The following RANBP17 variants were observed in gnomAD, a reference collection of about 807,000 sequenced individuals.
RANBP17 encodes the protein ran-binding protein 17.
RANBP17 carries 158 observed loss-of-function variants against 141.2 expected under a neutral mutation model. That is an observed-to-expected ratio of 1.12 (90% confidence interval 0.98 to 1.28). The LOEUF is 1.28. Ranked by LOEUF, RANBP17 falls within the 50% of genes most tolerant of loss-of-function variation. RANBP17 has a pLI of 0.00. For synonymous variants in RANBP17, 430 were observed against 450.0 expected (o/e 0.96, Z 0.56); for missense variants, 1,438 against 1,290.7 (o/e 1.11, Z -1.75).
At chr5:171,235,314 G>C (rs1458168292) in intron 22 of RANBP17, among the ~76,000 whole-genome samples, 1 of 148,882 alleles carries the variant, frequency 6.7e-6, no homozygotes. Flanking sequence ...AGAAGTTTTT[G>C]CATGTGTCTT....
At chr5:171,033,104 T>C (rs368870176) in intron 14 of RANBP17, among the ~76,000 whole-genome samples, 6 of 147,446 alleles carry the variant, frequency 4.1e-5, no homozygotes, top group South Asian at 2.3e-4. Flanking sequence ...TGATGCACTT[T>C]GAATGCTTAG....
intron 14 of RANBP17, among the ~76,000 whole-genome samples, chr5:171,035,208 TA>T: frequency 6.6e-6 from 1 of 152,144 alleles, no homozygotes; most frequent in African/African-American, 2.4e-5. Flanking sequence ...TTATCTATGG[TA>T]AAAAAATATC....
intron 25 of RANBP17, among the ~76,000 whole-genome samples, chr5:171,276,938 A>AAC (rs2128032336): frequency 1.3e-5 from 2 of 151,304 alleles, no homozygotes; most frequent in African/African-American, 4.8e-5. Flanking sequence ...AAAAAAAAAA[A>AAC]AAAAAACCTC....
chr5:170,988,708 T>C (rs2127561389), intron 14 of RANBP17, among the ~76,000 whole-genome samples: 1 of 151,966 alleles, frequency 6.6e-6, no homozygotes, highest in South Asian at 2.1e-4. Context: ...GTTCATTATA[T>C]ATGTATTATA....
chr5:171,262,318 GT>G (rs1459447030), intron 24 of RANBP17, among the ~76,000 whole-genome samples: 1 of 152,152 alleles, frequency 6.6e-6, no homozygotes, highest in Non-Finnish European at 1.5e-5. Flanking sequence ...CAACAAGTCT[GT>G]ATTTGACTTT....
chr5:171,189,785 C>T (rs1176498978), intron 18 of RANBP17, among the ~76,000 whole-genome samples: 2 of 152,104 alleles, frequency 1.3e-5, no homozygotes, highest in African/African-American at 4.8e-5. Context: ...TATTTGAAGC[C>T]TTGTCTCACA....
intron 14 of RANBP17, among the ~76,000 whole-genome samples, chr5:171,047,442 G>GTTTTTT (rs60072803): frequency 8.5e-5 from 11 of 129,440 alleles, no homozygotes; most frequent in South Asian, 2.3e-4. Flanking sequence ...TTTTTGTTTT[G>GTTTTTT]TTTTTTTTTT....
At chr5:171,150,789 A>G (rs1431784144) in intron 14 of RANBP17, among the ~76,000 whole-genome samples, 1 of 152,202 alleles carries the variant, frequency 6.6e-6, no homozygotes, top group African/African-American at 2.4e-5. Context: ...TTTCTGCATA[A>G]GGAGTCAGAG....
chr5:170,950,476 A>G (rs1775124323), intron 12 of RANBP17, among the ~76,000 whole-genome samples: 1 of 152,170 alleles, frequency 6.6e-6, no homozygotes, highest in African/African-American at 2.4e-5. Context: ...CAATAGGTAT[A>G]TGAAGAAATA....
intron 5 of RANBP17, 63 bp from the exon 6 acceptor site, chr5:170,909,598 T>TTTTTTTA: frequency 1.9e-6 from 1 of 513,776 alleles, no homozygotes. Context: ...TTTTTTTTTT[T>TTTTTTTA]AGTAAATTTT....
rs143251234 is a variant in RANBP17 at position 170,979,236 on chromosome 5, C to A, written c.1710+10859C>A. On this transcript the variant is annotated intron_variant, in intron 14 of 27. Transcript: ENST00000523189. ...AGCAAAAGGCATAGTTCAACCATAT[C>A]TGTAATATTTTCTTAGTCTGCATGG... Among the ~76,000 whole-genome samples the A allele has an allele frequency of 1.8e-3, 270 of 152,262 alleles. 1 individual carries two copies. The highest frequency in any genetic ancestry group is 6.4e-3 in the African/African-American group (264 of 41,554).
chr5:170,924,866 A>G (rs1772790620), intron 12 of RANBP17: 1 of 186,462 alleles, frequency 5.4e-6, no homozygotes, highest in Non-Finnish European at 1.1e-5. Context: ...CTTCTTTGCT[A>G]TACTTGATTG....
chr5:170,884,563 AGAG>A (rs1289188496), intron 3 of RANBP17, among the ~76,000 whole-genome samples: 61 of 152,152 alleles, frequency 4.0e-4, no homozygotes, highest in African/African-American at 1.4e-3. Context: ...AGGAAGAGAA[AGAG>A]GAGAGGTTGG....
intron 14 of RANBP17, among the ~76,000 whole-genome samples, chr5:171,058,923 C>T (rs1320101026): frequency 6.6e-6 from 1 of 151,548 alleles, no homozygotes; most frequent in Non-Finnish European, 1.5e-5. Flanking sequence ...TGATGATGAG[C>T]ATTTTTTCAT....
At chr5:171,174,395 A>G (rs1401857793) in intron 16 of RANBP17, among the ~76,000 whole-genome samples, 1 of 152,138 alleles carries the variant, frequency 6.6e-6, no homozygotes, top group African/African-American at 2.4e-5. Flanking sequence ...CTAAATGGGA[A>G]AAGGAGAGAT....
At chr5:171,262,811 A>C (rs760217955) in intron 24 of RANBP17, among the ~76,000 whole-genome samples, 1 of 152,196 alleles carries the variant, frequency 6.6e-6, no homozygotes, top group Non-Finnish European at 1.5e-5. Context: ...AAAGCTTTGT[A>C]GTTCCACAGT....
chr5:170,947,562 AT>A (rs1472550406), intron 12 of RANBP17, among the ~76,000 whole-genome samples: 1 of 152,154 alleles, frequency 6.6e-6, no homozygotes, highest in Non-Finnish European at 1.5e-5. Flanking sequence ...CAATTGCATT[AT>A]TATCTCTCAG....
intron 3 of RANBP17, among the ~76,000 whole-genome samples, chr5:170,888,214 T>C (rs1380513230): frequency 6.6e-6 from 1 of 152,260 alleles, no homozygotes; most frequent in African/African-American, 2.4e-5. Context: ...CCTCTCAATA[T>C]AACTTTTAGA....
At chr5:171,073,924 G>A (rs1179225202) in intron 14 of RANBP17, among the ~76,000 whole-genome samples, 1 of 151,486 alleles carries the variant, frequency 6.6e-6, no homozygotes, top group Non-Finnish European at 1.5e-5. Context: ...AATCCATACT[G>A]ATATAAACAA....
Sources: allele counts gnomAD v4.1 joint callset (sites outside exome capture counted in the v4.1 genomes callset), GRCh38; gene constraint gnomAD v4.1.1; transcripts MANE v1.5; gene names NCBI Gene and HGNC (gene_info 2026-07-23, HGNC 2026-07-21).